The following CREB3L2 variants were observed in gnomAD, a reference collection of about 807,000 sequenced individuals.
CREB3L2 encodes cyclic AMP-responsive element-binding protein 3-like protein 2.
A neutral mutation model predicts 57.2 loss-of-function variants in CREB3L2; 23 were observed. The observed-to-expected ratio is 0.40, with a 90% confidence interval of 0.29 to 0.57. The LOEUF is 0.57. Ranked by LOEUF, CREB3L2 falls within the 20% of genes least tolerant of loss-of-function variation. The pLI, the probability that CREB3L2 is intolerant of heterozygous loss-of-function variation, is 0.42. For missense variants in CREB3L2, 628 were observed against 634.7 expected (o/e 0.99, Z 0.11); for synonymous variants, 268 against 265.1 (o/e 1.01, Z -0.11).
At chr7:137,898,326 A>G (rs918424265) in intron 8 of CREB3L2, among the ~76,000 whole-genome samples, 1 of 152,226 alleles carries the variant, frequency 6.6e-6, no homozygotes, top group Admixed American at 6.5e-5. Context: ...GTAAATTAGT[A>G]AAACCATTAT....
At chr7:137,971,119 A>T (rs1801497893) in intron 1 of CREB3L2, among the ~76,000 whole-genome samples, 1 of 152,180 alleles carries the variant, frequency 6.6e-6, no homozygotes, top group African/African-American at 2.4e-5. Flanking sequence ...CAGAGTTTAA[A>T]GGTGCCTACT....
In CREB3L2 at chr7:137,956,422, A is replaced by G. The variant is rs140138707; in HGVS notation, c.103-28056T>C. Among the ~76,000 whole-genome samples the G allele has an allele frequency of 3.9e-4, 59 of 152,334 alleles. 1 individual carries two copies. The East Asian group carries it at 0.011, about 27-fold the overall frequency. ...TTTCGCAGTGTTAGCAGTGGACAGT[A>G]ATACCCGGGTTTCCTCCCCAGTGCA... On this transcript the variant is annotated intron_variant, in intron 1 of 11. Coordinates refer to ENST00000330387, the MANE Select transcript of CREB3L2 (RefSeq NM_194071.4).
At chr7:137,946,483 G>C (rs961404105) in intron 1 of CREB3L2, among the ~76,000 whole-genome samples, 3 of 150,954 alleles carry the variant, frequency 2.0e-5, no homozygotes, top group African/African-American at 7.3e-5. Context: ...CCTGAAAGAG[G>C]ACCTTGAGCC....
In CREB3L2 at chr7:137,929,928, T is replaced by C. The variant is rs574145520; in HGVS notation, c.103-1562A>G. On this transcript the variant is annotated intron_variant, in intron 1 of 11. Transcript: ENST00000330387. The stretch of plus-strand genomic sequence containing the variant: ...TAATTTTTTTTTTGAGACGGAGTCT[T>C]GCTCTGTCGCCCAGGCTGGAGTGCA... 2.0e-5 allele frequency among the ~76,000 whole-genome samples: 3 copies of C among 151,398 alleles called. No individual in the cohort carries two copies. In the East Asian group the frequency reaches 6.0e-4, roughly 30 times the overall value.
At chr7:137,951,839 A>T (rs940083229) in intron 1 of CREB3L2, among the ~76,000 whole-genome samples, 5 of 152,128 alleles carry the variant, frequency 3.3e-5, no homozygotes, top group Non-Finnish European at 5.9e-5. Flanking sequence ...AAAATGTTTT[A>T]ATTAGCTGGG....
chr7:137,934,287 T>C lies in CREB3L2; in HGVS notation c.103-5921A>G, dbSNP rs554001745. 1.3e-3 allele frequency among the ~76,000 whole-genome samples: 205 copies of C among 152,246 alleles called. 1 individual carries two copies. The highest frequency in any genetic ancestry group is 4.6e-3 in the African/African-American group (191 of 41,554). On this transcript the variant is annotated intron_variant, in intron 1 of 11. Coordinates refer to ENST00000330387, the MANE Select transcript of CREB3L2 (RefSeq NM_194071.4). ...CTTATTGTTTCTCCTAGGAAAGAGATATTTAAGCCTCACAATACAACTGTA... is the reference window on the plus strand; with the variant it reads ...CTTATTGTTTCTCCTAGGAAAGAGACATTTAAGCCTCACAATACAACTGTA...
chr7:137,997,633 T>C (rs1361387086), intron 1 of CREB3L2, among the ~76,000 whole-genome samples: 1 of 151,822 alleles, frequency 6.6e-6, no homozygotes, highest in Non-Finnish European at 1.5e-5. Flanking sequence ...GAGGCTGAGG[T>C]GGGAGGATCA....
chr7:137,920,521 T>A (rs553880425), intron 2 of CREB3L2, among the ~76,000 whole-genome samples: 1 of 152,298 alleles, frequency 6.6e-6, no homozygotes, highest in East Asian at 1.9e-4. Context: ...AATAAATGAC[T>A]GAGTGACTGA....
rs986654021 is a variant in CREB3L2 at position 137,892,116 on chromosome 7, G to T, written c.1044-6614C>A. Among the ~76,000 whole-genome samples, 4 of 152,046 alleles carry T rather than the reference G, an allele frequency of 2.6e-5. No individual in the cohort carries two copies. In the East Asian group the frequency reaches 7.7e-4, roughly 29 times the overall value. On this transcript the variant is annotated intron_variant, in intron 8 of 11. Coordinates refer to ENST00000330387, the MANE Select transcript of CREB3L2 (RefSeq NM_194071.4). The stretch of plus-strand genomic sequence containing the variant: ...TTTGTGGGTTTGTGAAATCAATTGG[G>T]TTGTGACTGATATATGTTTTTAATG...
At chr7:137,895,295 G>A (rs1227895176) in intron 8 of CREB3L2, among the ~76,000 whole-genome samples, 2 of 152,232 alleles carry the variant, frequency 1.3e-5, no homozygotes, top group Non-Finnish European at 2.9e-5. Flanking sequence ...AAGCCAGAAG[G>A]ATTCTCTAGC....
chr7:137,954,046 C>T (rs57351134), intron 1 of CREB3L2, among the ~76,000 whole-genome samples: 10,145 of 152,152 alleles, frequency 0.067, 643 homozygotes, highest in African/African-American at 0.16. Flanking sequence ...AGATCAAAAT[C>T]TTGAGAGGCT....
At chr7:137,930,204 T>C (rs1800585746) in intron 1 of CREB3L2, among the ~76,000 whole-genome samples, 1 of 152,278 alleles carries the variant, frequency 6.6e-6, no homozygotes, top group African/African-American at 2.4e-5. Flanking sequence ...GCCAATAAAA[T>C]GAAATTTTAA....
At chr7:137,907,049 A>G (rs146504333) in intron 5 of CREB3L2, among the ~76,000 whole-genome samples, 1 of 152,316 alleles carries the variant, frequency 6.6e-6, no homozygotes, top group East Asian at 1.9e-4. Context: ...TGATCAGGAA[A>G]CGTTTAGGGC....
chr7:137,990,192 C>A (rs28515503), intron 1 of CREB3L2, among the ~76,000 whole-genome samples: 2,779 of 152,316 alleles, frequency 0.018, 90 homozygotes, highest in African/African-American at 0.064. Flanking sequence ...TCTCAAACTA[C>A]ATAAAATGAC....
At chr7:137,983,744 T>C (rs188719778) in intron 1 of CREB3L2, among the ~76,000 whole-genome samples, 169 of 152,306 alleles carry the variant, frequency 1.1e-3, no homozygotes, top group African/African-American at 3.8e-3. Flanking sequence ...TCCCCTGTGG[T>C]TGTTCTGTCC....
intron 1 of CREB3L2, among the ~76,000 whole-genome samples, chr7:137,929,762 G>A (rs988594111): frequency 3.3e-4 from 50 of 150,024 alleles, no homozygotes; most frequent in African/African-American, 1.1e-3. Context: ...CCAGCTACTC[G>A]GGAGGCTGAG....
intron 2 of CREB3L2, among the ~76,000 whole-genome samples, chr7:137,923,859 A>T (rs1040519130): frequency 6.6e-6 from 1 of 152,190 alleles, no homozygotes; most frequent in African/African-American, 2.4e-5. Flanking sequence ...CATGGCAGCC[A>T]TAAGATCTTC....
At chr7:137,900,627 T>A (rs1384669631) in intron 8 of CREB3L2, among the ~76,000 whole-genome samples, 1 of 150,608 alleles carries the variant, frequency 6.6e-6, no homozygotes, top group Non-Finnish European at 1.5e-5. Flanking sequence ...AAACCCCATC[T>A]CTACTAAAAA....
chr7:137,887,040 A>G (rs143182201), intron 8 of CREB3L2, among the ~76,000 whole-genome samples: 126 of 152,300 alleles, frequency 8.3e-4, no homozygotes, highest in Middle Eastern at 3.4e-3. Flanking sequence ...TTATGAGCAG[A>G]TGCTTTCTCT....
Sources: allele counts gnomAD v4.1 joint callset (sites outside exome capture counted in the v4.1 genomes callset), GRCh38; gene constraint gnomAD v4.1.1; transcripts MANE v1.5; gene names NCBI Gene and HGNC (gene_info 2026-07-23, HGNC 2026-07-21).